The following FOCAD variants were observed in gnomAD, a reference collection of about 807,000 sequenced individuals.
The protein encoded by FOCAD is KIAA1797.
In FOCAD, 198 loss-of-function variants were observed where a neutral mutation model predicts 225.6. The observed-to-expected ratio is 0.88, with a 90% CI of 0.78 to 0.99. The LOEUF (loss-of-function observed/expected upper bound fraction) is 0.99, where lower values mean the gene tolerates loss of function less well. Ranked by LOEUF, FOCAD falls within the 50% of genes least tolerant of loss-of-function variation. The pLI is 0.00. For missense variants in FOCAD, 2,713 were observed against 2,123.6 expected, an observed-to-expected ratio of 1.28 and a Z score of -5.46; for synonymous variants, 897 against 755.0, an observed-to-expected ratio of 1.19 and a Z score of -3.08.
At chr9:20,714,852 A>C (rs1342218185) in intron 1 of FOCAD, among the ~76,000 whole-genome samples, 1 of 152,092 alleles carries the variant, frequency 6.6e-6, no homozygotes, top group Non-Finnish European at 1.5e-5. Flanking sequence ...TCTTTTCTAT[A>C]CTTCTTGAAA....
upstream of FOCAD, among the ~76,000 whole-genome samples, chr9:20,656,411 T>A (rs1821477676): frequency 2.0e-5 from 3 of 152,310 alleles, no homozygotes; most frequent in African/African-American, 7.2e-5. Context: ...TGTGGGAGTC[T>A]AAGTCTCTTT....
In FOCAD at chr9:20,940,589, TTC is replaced by T. The variant is rs563642287; in HGVS notation, c.3408-4034_3408-4033del. ...ATGTGAGCCACTGCACCCAGCATAG[TTC>T]TCTTTTTGGCTTCAGGTTCAACTGA... On this transcript the variant is annotated intron_variant, in intron 28 of 43. Coordinates refer to ENST00000338382, the MANE Select transcript of FOCAD (RefSeq NM_001375567.1). Among the ~76,000 whole-genome samples the T allele has an allele frequency of 1.3e-4, 20 of 152,276 alleles. No individual in the cohort carries two copies. In the South Asian group the frequency reaches 3.9e-3, roughly 30 times the overall value.
intron 22 of FOCAD, among the ~76,000 whole-genome samples, chr9:20,910,475 T>A (rs1417913076): frequency 6.6e-6 from 1 of 152,066 alleles, no homozygotes; most frequent in Non-Finnish European, 1.5e-5. Flanking sequence ...TTATACCTTT[T>A]TTGCTTTTTT....
chr9:20,870,593 G>C (rs753722166), intron 18 of FOCAD, among the ~76,000 whole-genome samples: 1 of 152,206 alleles, frequency 6.6e-6, no homozygotes, highest in Non-Finnish European at 1.5e-5. Context: ...GCTAGGCTAA[G>C]ATATGTGGTA....
intron 42 of FOCAD, among the ~76,000 whole-genome samples, chr9:20,992,057 A>C (rs917750471): frequency 1.1e-4 from 16 of 152,052 alleles, no homozygotes; most frequent in Non-Finnish European, 2.4e-4. Flanking sequence ...TCCCTATTTT[A>C]CTCTTTCTTC....
At chr9:20,972,117 G>C (rs74510926) in intron 35 of FOCAD, among the ~76,000 whole-genome samples, 1 of 152,112 alleles carries the variant, frequency 6.6e-6, no homozygotes, top group Non-Finnish European at 1.5e-5. Context: ...ACACCTAAAA[G>C]TGAGGTTGCT....
chr9:20,748,165 G>T (rs983362756), intron 5 of FOCAD, among the ~76,000 whole-genome samples: 6 of 152,030 alleles, frequency 3.9e-5, no homozygotes, highest in African/African-American at 1.4e-4. Flanking sequence ...CAATCAAGCT[G>T]CCATAAGGGA....
At chr9:20,740,098 T>C (rs1827485618) in intron 4 of FOCAD, 138 bp from the exon 5 acceptor site, 1 of 563,532 alleles carries the variant, frequency 1.8e-6, no homozygotes, top group African/African-American at 1.9e-5. Flanking sequence ...TACTATAGAA[T>C]GAGTTGAGGG....
chr9:20,967,328 A>G (rs1347274741), intron 35 of FOCAD, among the ~76,000 whole-genome samples: 1 of 152,166 alleles, frequency 6.6e-6, no homozygotes, highest in Non-Finnish European at 1.5e-5. Context: ...ATTCACTGCC[A>G]GAATATAAAA....
At chr9:20,799,608 T>A (rs1419138417) in intron 11 of FOCAD, among the ~76,000 whole-genome samples, 1 of 151,678 alleles carries the variant, frequency 6.6e-6, no homozygotes, top group Non-Finnish European at 1.5e-5. Flanking sequence ...GTAATGGCCT[T>A]CTTTGTCTGT....
At chr9:20,724,413 A>G (rs1826032329) in intron 4 of FOCAD, among the ~76,000 whole-genome samples, 1 of 152,186 alleles carries the variant, frequency 6.6e-6, no homozygotes, top group Non-Finnish European at 1.5e-5. Flanking sequence ...GAATTTTATA[A>G]TAAGCAAATA....
intron 7 of FOCAD, among the ~76,000 whole-genome samples, chr9:20,769,619 G>A (rs915114010): frequency 2.0e-5 from 3 of 152,196 alleles, no homozygotes; most frequent in Non-Finnish European, 4.4e-5. Context: ...GCTTAGTACC[G>A]TGTTAGAATA....
At chr9:20,890,704 C>T (rs1374114874) in intron 21 of FOCAD, among the ~76,000 whole-genome samples, 1 of 151,862 alleles carries the variant, frequency 6.6e-6, no homozygotes, top group Non-Finnish European at 1.5e-5. Context: ...TGTAGAGTTC[C>T]CCTCTTTTTT....
intron 22 of FOCAD, among the ~76,000 whole-genome samples, chr9:20,910,349 A>G (rs561692693): frequency 1.1e-4 from 17 of 152,222 alleles, no homozygotes; most frequent in African/African-American, 4.1e-4. Flanking sequence ...GGAGAGAGGT[A>G]TGAAAGCAAA....
chr9:20,658,065 G>GA (rs1339036738), upstream of FOCAD, among the ~76,000 whole-genome samples: 2 of 148,484 alleles, frequency 1.3e-5, no homozygotes, highest in Non-Finnish European at 3.0e-5. Context: ...CCCCTGCTGG[G>GA]GGGTGCCTCC....
chr9:20,906,333 T>C (rs1324975643), intron 21 of FOCAD, among the ~76,000 whole-genome samples: 2 of 150,330 alleles, frequency 1.3e-5, no homozygotes, highest in Admixed American at 6.7e-5. Flanking sequence ...CTCTCTCTCT[T>C]TTTTTTTTGG....
chr9:20,710,613 A>G (rs1329097749), intron 1 of FOCAD, among the ~76,000 whole-genome samples: 3 of 151,990 alleles, frequency 2.0e-5, no homozygotes, highest in South Asian at 2.1e-4. Flanking sequence ...AAAAAATAAT[A>G]ATATAACATT....
intron 1 of FOCAD, among the ~76,000 whole-genome samples, chr9:20,712,123 C>T (rs917652480): frequency 6.6e-6 from 1 of 151,862 alleles, no homozygotes; most frequent in Non-Finnish European, 1.5e-5. Flanking sequence ...ACGATCTCTC[C>T]CTCCAAGTTT....
chr9:20,770,435 G>T (rs1172991781), intron 8 of FOCAD, among the ~76,000 whole-genome samples, 197 bp downstream of exon 8: 4 of 152,178 alleles, frequency 2.6e-5, no homozygotes, highest in Non-Finnish European at 5.9e-5. Flanking sequence ...GCAGGAGCCA[G>T]CACTTCACAT....
Sources: gnomAD v4.1 joint callset for allele counts (sites outside exome capture counted in the v4.1 genomes callset) on GRCh38, gnomAD v4.1.1 for gene constraint, MANE v1.5 for transcripts, NCBI Gene and HGNC (gene_info 2026-07-23, HGNC 2026-07-21) for gene names.